The following FSTL4 variants were observed in gnomAD, a reference collection of about 807,000 sequenced individuals.
FSTL4 encodes follistatin like 4, also known as follistatin-related protein 4.
A neutral mutation model predicts 78.2 loss-of-function variants in FSTL4; 28 were observed. The ratio of observed to expected loss-of-function variants is 0.36; its 90% CI spans 0.27 to 0.49. The LOEUF is 0.49. FSTL4 is among the 20% of genes least tolerant of loss of function. FSTL4 has a pLI of 0.98. For missense variants in FSTL4, 922 were observed against 1,084.9 expected (o/e 0.85, Z 2.11); for synonymous variants, 422 against 440.5 (o/e 0.96, Z 0.53).
chr5:133,838,958 G>A, the FSTL4 span, among the ~76,000 whole-genome samples: 1 of 152,284 alleles, frequency 6.6e-6, no homozygotes. Context: ...AAATACAACT[G>A]CCACAATGGC....
At position 133,266,348 on chromosome 5, in the gene FSTL4, A is replaced by G. The variant is rs1188793687; in HGVS notation, c.728-16772T>C. Among the ~76,000 whole-genome samples, 4 of 152,384 alleles carry G rather than the reference A, an allele frequency of 2.6e-5. No homozygotes were observed. The East Asian group carries it at 7.7e-4, about 29-fold the overall frequency. ...GCAGAACGGCTTTGTGCTGTCCTGA[A>G]ACAACACTCTGGTTTAATGAGCTCC... is the stretch of plus-strand genomic sequence containing the variant. On this transcript the variant is annotated intron_variant, in intron 6 of 15. Coordinates refer to ENST00000265342, the MANE Select transcript of FSTL4 (RefSeq NM_015082.2).
At chr5:133,395,098 A>G (rs1242168814) in intron 4 of FSTL4, among the ~76,000 whole-genome samples, 1 of 152,148 alleles carries the variant, frequency 6.6e-6, no homozygotes, top group Non-Finnish European at 1.5e-5. Context: ...TCTCTGTAAA[A>G]TGGACCAATC....
chr5:133,788,166 T>G, the FSTL4 span, among the ~76,000 whole-genome samples: 1 of 152,174 alleles, frequency 6.6e-6, no homozygotes, highest in Non-Finnish European at 1.5e-5. Flanking sequence ...AAGAACTGTT[T>G]GCTGGAGAAG....
intron 2 of FSTL4, among the ~76,000 whole-genome samples, chr5:133,599,552 A>G (rs1760810854): frequency 2.0e-5 from 3 of 152,248 alleles, no homozygotes; most frequent in African/African-American, 7.2e-5. Context: ...TTAAGAAAGA[A>G]TCAATATTAA....
the FSTL4 span, among the ~76,000 whole-genome samples, chr5:133,650,935 T>C: frequency 6.6e-6 from 1 of 152,352 alleles, no homozygotes; most frequent in African/African-American, 2.4e-5. Flanking sequence ...AATTTTGTAG[T>C]TTTCCTCATA....
intron 3 of FSTL4, among the ~76,000 whole-genome samples, chr5:133,488,533 C>T (rs1459478701): frequency 2.6e-5 from 4 of 152,236 alleles, no homozygotes; most frequent in Non-Finnish European, 2.9e-5. Context: ...AGATTACAGG[C>T]GTGAGCCACT....
At chr5:133,535,806 G>C (rs187466130) in intron 3 of FSTL4, among the ~76,000 whole-genome samples, 3 of 152,266 alleles carry the variant, frequency 2.0e-5, no homozygotes, top group Non-Finnish European at 2.9e-5. Flanking sequence ...AGGACAAGGG[G>C]GATAGAAATT....
At chr5:133,351,429 G>C (rs576707298) in intron 4 of FSTL4, among the ~76,000 whole-genome samples, 1 of 151,992 alleles carries the variant, frequency 6.6e-6, no homozygotes, top group African/African-American at 2.4e-5. Context: ...TTTCATTCTT[G>C]CTATTTTCAC....
chr5:133,212,090 C>A (rs1750749193), intron 13 of FSTL4, among the ~76,000 whole-genome samples: 1 of 152,178 alleles, frequency 6.6e-6, no homozygotes, highest in Non-Finnish European at 1.5e-5. Flanking sequence ...TTTGTTCCTG[C>A]CAGTTTCTCT....
At chr5:133,367,400 A>G (rs1170584160) in intron 4 of FSTL4, among the ~76,000 whole-genome samples, 3 of 152,240 alleles carry the variant, frequency 2.0e-5, no homozygotes, top group Non-Finnish European at 1.5e-5. Flanking sequence ...TTTAGCCCCA[A>G]GGTAAACAAG....
chr5:133,629,156 A>G, the FSTL4 span, among the ~76,000 whole-genome samples: 2,773 of 151,116 alleles, frequency 0.018, 38 homozygotes, highest in Middle Eastern at 0.054. Flanking sequence ...ATCAATACCC[A>G]GCTTATTGAG....
chr5:133,762,216 A>G, the FSTL4 span, among the ~76,000 whole-genome samples: 1 of 152,112 alleles, frequency 6.6e-6, no homozygotes, highest in Admixed American at 6.5e-5. Flanking sequence ...TCAACCCCCA[A>G]CATACCACAG....
chr5:133,714,979 C>T, the FSTL4 span, among the ~76,000 whole-genome samples: 2 of 152,270 alleles, frequency 1.3e-5, no homozygotes, highest in African/African-American at 4.8e-5. Flanking sequence ...TTCAGGATCT[C>T]TCCATGGGAT....
intron 14 of FSTL4, among the ~76,000 whole-genome samples, chr5:133,208,759 C>T (rs1561619037): frequency 2.6e-5 from 4 of 152,316 alleles, no homozygotes; most frequent in African/African-American, 9.6e-5. Context: ...TCACTACAAC[C>T]TCTGCCTCCA....
chr5:133,446,673 G>A (rs1757271541), intron 3 of FSTL4, among the ~76,000 whole-genome samples: 1 of 152,206 alleles, frequency 6.6e-6, no homozygotes, highest in South Asian at 2.1e-4. Context: ...CCTCTTTCAG[G>A]CAGCCGTATT....
the FSTL4 span, among the ~76,000 whole-genome samples, chr5:133,798,631 C>A: frequency 6.6e-6 from 1 of 152,170 alleles, no homozygotes; most frequent in South Asian, 2.1e-4. Context: ...AATCCTCATG[C>A]ACAGGGCTCT....
the FSTL4 span, among the ~76,000 whole-genome samples, chr5:133,696,856 G>A: frequency 6.6e-6 from 1 of 151,910 alleles, no homozygotes; most frequent in African/African-American, 2.4e-5. Context: ...AAATTATGCT[G>A]TGAAATCATC....
chr5:133,395,961 C>G (rs1756032242), intron 4 of FSTL4, among the ~76,000 whole-genome samples: 3 of 152,154 alleles, frequency 2.0e-5, no homozygotes, highest in South Asian at 4.2e-4. Context: ...TACTAACCTG[C>G]TAGATGAACT....
At chr5:133,454,330 G>C (rs1421362801) in intron 3 of FSTL4, among the ~76,000 whole-genome samples, 2 of 152,210 alleles carry the variant, frequency 1.3e-5, no homozygotes, top group Non-Finnish European at 2.9e-5. Context: ...ACCTACATCT[G>C]AGTAAAGTTG....
Sources: allele counts gnomAD v4.1 joint callset (sites outside exome capture counted in the v4.1 genomes callset), GRCh38; gene constraint gnomAD v4.1.1; transcripts MANE v1.5; gene names NCBI Gene and HGNC (gene_info 2026-07-23, HGNC 2026-07-21).